The following COL4A2 variants were observed in gnomAD, a reference collection of about 807,000 sequenced individuals.
The protein encoded by COL4A2 is collagen alpha-2(IV) chain.
COL4A2 carries 99 observed loss-of-function variants against 200.2 expected under a neutral mutation model. The ratio of observed to expected loss-of-function variants is 0.49; its 90% CI spans 0.42 to 0.58. The LOEUF is 0.58. Ranked by LOEUF, COL4A2 falls within the 20% of genes least tolerant of loss-of-function variation. The pLI is 0.00. For missense variants in COL4A2, 1,950 were observed against 2,314.1 expected (o/e 0.84, Z 3.23); for synonymous variants, 897 against 900.6 (o/e 1.00, Z 0.07).
Position 110,485,022 on chromosome 13 carries a change from CA to C in COL4A2, c.3024del (p.Gly1009ValfsTer58). 6.3e-7 allele frequency: 1 copy of C among 1,597,302 alleles called. No individual in the cohort carries two copies. The highest frequency in any genetic ancestry group is 8.6e-7 in the Non-Finnish European group (1 of 1,168,410). On this transcript the variant is annotated frameshift_variant, in exon 33 of 48. Coordinates refer to ENST00000360467, the MANE Select transcript of COL4A2 (RefSeq NM_001846.4). LOFTEE classifies it high-confidence loss of function. ...ATGGGGCTGAAAGGATACCTGGGCG[CA>C]AAAGGTGAGGCTTCTGACCTGCAGC... ...GPMGLKGYLG[A>X]KGIQGMPGIP... is the part of the protein sequence containing the mutation.
intron 4 of COL4A2, among the ~76,000 whole-genome samples, chr13:110,403,788 G>A (rs555328058): frequency 6.6e-6 from 1 of 152,252 alleles, no homozygotes; most frequent in South Asian, 2.1e-4. Context: ...TTTAATACCA[G>A]TTTCTGTCTC....
chr13:110,443,804 C>T (rs1227564793), intron 16 of COL4A2, among the ~76,000 whole-genome samples: 1 of 152,188 alleles, frequency 6.6e-6, no homozygotes, highest in Non-Finnish European at 1.5e-5. Context: ...GGTTGCCAGC[C>T]TGACTCTGGG....
chr13:110,496,761 C>G lies in COL4A2; in HGVS notation c.3760+1294C>G, dbSNP rs190968805. On this transcript the variant is annotated intron_variant, in intron 40 of 47. Transcript: ENST00000360467. ...GTCAGTCCACCAGCACAGCCTCAGT[C>G]AAGGATGAGGATCTAGGGTCAGTCC... is the stretch of plus-strand genomic sequence containing the variant. 1.3e-3 allele frequency among the ~76,000 whole-genome samples: 198 copies of G among 149,960 alleles called. 1 individual carries two copies. Among genetic ancestry groups the G allele is most frequent in the African/African-American group, 4.7e-3 (190 of 40,414 alleles).
At chr13:110,395,012 G>A (rs1159575548) in intron 4 of COL4A2, among the ~76,000 whole-genome samples, 1 of 152,176 alleles carries the variant, frequency 6.6e-6, no homozygotes, top group Non-Finnish European at 1.5e-5. Context: ...GCACGTCTCC[G>A]GGGACCCAGA....
At chr13:110,409,922 G>C (rs1336531160) in intron 4 of COL4A2, among the ~76,000 whole-genome samples, 1 of 152,136 alleles carries the variant, frequency 6.6e-6, no homozygotes, top group African/African-American at 2.4e-5. Flanking sequence ...ACCCCGGCGT[G>C]GTGAAACCCG....
intron 20 of COL4A2, among the ~76,000 whole-genome samples, chr13:110,453,514 G>T (rs546766391): frequency 6.6e-6 from 1 of 151,708 alleles, no homozygotes; most frequent in Non-Finnish European, 1.5e-5. Flanking sequence ...TTTAAAAAAA[G>T]GAAAAAAAAA....
intron 28 of COL4A2, among the ~76,000 whole-genome samples, chr13:110,472,445 C>T (rs1016423172): frequency 6.6e-6 from 1 of 152,116 alleles, no homozygotes; most frequent in African/African-American, 2.4e-5. Context: ...CTCTTTGAAG[C>T]GTTTCCCAAC....
intron 29 of COL4A2, among the ~76,000 whole-genome samples, chr13:110,475,007 T>C (rs1044383547): frequency 2.1e-5 from 3 of 146,180 alleles, no homozygotes; most frequent in Non-Finnish European, 4.5e-5. Flanking sequence ...CACATGATCG[T>C]ACACTCATAC....
At chr13:110,510,057 C>G (rs1884034391) in intron 47 of COL4A2, among the ~76,000 whole-genome samples, 1 of 152,212 alleles carries the variant, frequency 6.6e-6, no homozygotes, top group Non-Finnish European at 1.5e-5. Flanking sequence ...TATGGTACCA[C>G]TAGGGCTGCT....
Position 110,425,009 on chromosome 13 carries a change from G to A in COL4A2, c.360+12G>A, listed in dbSNP as rs555859760. The A allele has an allele frequency of 9.7e-5, 156 of 1,613,922 alleles. 3 individuals carry two copies. In the South Asian group the frequency reaches 1.7e-3, roughly 18 times the overall value. On this transcript the variant is annotated intron_variant, in intron 6 of 47. Transcript: ENST00000360467. ...CCGATGGAATTCCTGTAAGTTTTAT[G>A]GAAGACTGGAATTTTAAAACATTGC... is the stretch of plus-strand genomic sequence containing the variant.
At chr13:110,442,033 C>G (rs780978805) in intron 16 of COL4A2, among the ~76,000 whole-genome samples, 3 of 137,888 alleles carry the variant, frequency 2.2e-5, no homozygotes, top group African/African-American at 5.6e-5. Flanking sequence ...TTGCAGTGAG[C>G]CAAGATCGCA....
At chr13:110,443,788 C>T (rs1044858041) in intron 16 of COL4A2, among the ~76,000 whole-genome samples, 3 of 152,168 alleles carry the variant, frequency 2.0e-5, no homozygotes, top group East Asian at 1.9e-4. Flanking sequence ...GGGTCCTTCC[C>T]GGGGTGGTTG....
intron 3 of COL4A2, among the ~76,000 whole-genome samples, chr13:110,343,698 A>G (rs368678743): frequency 6.6e-6 from 1 of 152,224 alleles, no homozygotes; most frequent in Non-Finnish European, 1.5e-5. Flanking sequence ...CTGTGTGCCA[A>G]TGCAAACGGG....
chr13:110,461,988 G>T, intron 22 of COL4A2, 126 bp from the exon 23 acceptor site: 1 of 1,402,720 alleles, frequency 7.1e-7, no homozygotes, highest in Non-Finnish European at 9.7e-7. Flanking sequence ...TGCTCCTTGG[G>T]TGGCGCTCGG....
chr13:110,324,659 G>T (rs542234809), intron 3 of COL4A2, among the ~76,000 whole-genome samples: 1 of 152,322 alleles, frequency 6.6e-6, no homozygotes, highest in Admixed American at 6.5e-5. Context: ...AGGTGATGGT[G>T]GTGCTGCTGC....
rs778961988 is a variant in COL4A2, at chr13:110,512,108, G to A, written c.5056G>A (p.Gly1686Ser). ...CACCATTCCCGAGCAGAGCTTCCAG[G>A]GCTCGCCCTCCGCCGACACGCTCAA... The part of the protein sequence containing the change: ...LTTIPEQSFQ[G>S]SPSADTLKAG... The change falls in exon 48 of 48, where the codon GGC becomes AGC. Residue 1686 changes from glycine (G) to serine (S), a missense_variant. Gly to Ser is a moderately conservative substitution (Grantham distance 56). Transcript: ENST00000360467. 1 of 1,613,630 alleles carries A rather than the reference G, an allele frequency of 6.2e-7. No individual in the cohort carries two copies. The highest frequency in any genetic ancestry group is 8.5e-7 in the Non-Finnish European group (1 of 1,180,040).
chr13:110,438,826 C>T (rs1425294719), intron 15 of COL4A2, among the ~76,000 whole-genome samples, 158 bp downstream of exon 15: 1 of 138,224 alleles, frequency 7.2e-6, no homozygotes, highest in Non-Finnish European at 1.6e-5. Flanking sequence ...ACACACACAG[C>T]AGCCCCCCAG....
At chr13:110,388,391 C>T (rs1342031843) in intron 4 of COL4A2, among the ~76,000 whole-genome samples, 4 of 152,140 alleles carry the variant, frequency 2.6e-5, no homozygotes, top group Non-Finnish European at 4.4e-5. Context: ...TTCTGGGACT[C>T]CTGGCACCGC....
In COL4A2 at chr13:110,512,256, C is replaced by G; in HGVS notation, c.*65C>G. The G allele has an allele frequency of 1.3e-6, 2 of 1,498,034 alleles. No homozygotes were observed. Among genetic ancestry groups the G allele is most frequent in the Non-Finnish European group, 1.8e-6 (2 of 1,129,332 alleles). 92.8% of individuals were successfully genotyped at this position (1,498,034 alleles called of 1,614,324 possible). On this transcript the variant is annotated 3_prime_UTR_variant, in exon 48 of 48. Coordinates refer to ENST00000360467, the MANE Select transcript of COL4A2 (RefSeq NM_001846.4). ...TTAACTTATTACCTCAGGTGCCAACCCAAAAATTGGTTTTATTTTTTTCTT... is the reference window on the plus strand; with the variant it reads ...TTAACTTATTACCTCAGGTGCCAACGCAAAAATTGGTTTTATTTTTTTCTT...
Sources: allele counts gnomAD v4.1 joint callset (sites outside exome capture counted in the v4.1 genomes callset), GRCh38; gene constraint gnomAD v4.1.1; transcripts MANE v1.5; gene names NCBI Gene and HGNC (gene_info 2026-07-23, HGNC 2026-07-21).